KCNH7: variants seen among roughly 807,000 people sequenced by gnomAD.
KCNH7 encodes voltage-gated inwardly rectifying potassium channel KCNH7.
In KCNH7, 49 loss-of-function variants were observed where a neutral mutation model predicts 120.8. The ratio of observed to expected loss-of-function variants is 0.41; its 90% CI spans 0.32 to 0.51. The LOEUF is 0.51. Among genes scored for constraint, KCNH7 ranks in the 20% least tolerant of loss-of-function variants. The pLI is 0.38. For missense variants in KCNH7, 1,097 were observed against 1,446.6 expected (o/e 0.76, Z 3.92); for synonymous variants, 547 against 516.1 (o/e 1.06, Z -0.81).
chr2:162,675,276 T>C (rs2105303432), intron 2 of KCNH7, among the ~76,000 whole-genome samples: 1 of 151,598 alleles, frequency 6.6e-6, no homozygotes, highest in East Asian at 1.9e-4. Flanking sequence ...GTGTTAGCAT[T>C]TTATATTCAT....
At chr2:162,682,417 CAGAGAGAGAG>C (rs35747306) in intron 2 of KCNH7, among the ~76,000 whole-genome samples, 4 of 147,252 alleles carry the variant, frequency 2.7e-5, no homozygotes, top group African/African-American at 9.8e-5. Context: ...GAGACAGAGA[CAGAGAGAGAG>C]AGAGAGAGAG....
At chr2:162,552,593 T>C (rs1692707743) in intron 2 of KCNH7, among the ~76,000 whole-genome samples, 1 of 152,158 alleles carries the variant, frequency 6.6e-6, no homozygotes, top group Non-Finnish European at 1.5e-5. Context: ...TATGGCTCAG[T>C]TTACTTTAAG....
chr2:162,602,728 T>A (rs142981045), intron 2 of KCNH7, among the ~76,000 whole-genome samples: 24 of 152,192 alleles, frequency 1.6e-4, no homozygotes, highest in Non-Finnish European at 2.1e-4. Flanking sequence ...GATCATTTCA[T>A]ATTATATTGA....
chr2:162,393,652 A>G (rs1686811456), intron 12 of KCNH7, among the ~76,000 whole-genome samples: 1 of 151,902 alleles, frequency 6.6e-6, no homozygotes, highest in African/African-American at 2.4e-5. Context: ...TAAGGTAAAG[A>G]CTAGAATGTT....
chr2:162,814,996 C>T (rs1684868081), intron 2 of KCNH7, among the ~76,000 whole-genome samples: 1 of 152,030 alleles, frequency 6.6e-6, no homozygotes, highest in African/African-American at 2.4e-5. Flanking sequence ...ATTTGAATTC[C>T]TCCTCCCCTT....
intron 2 of KCNH7, among the ~76,000 whole-genome samples, chr2:162,664,701 ATGTCCTT>A (rs906866357): frequency 1.1e-4 from 16 of 152,254 alleles, no homozygotes; most frequent in African/African-American, 3.1e-4. Flanking sequence ...GCAATATATG[ATGTCCTT>A]TTATATAGAA....
intron 3 of KCNH7, among the ~76,000 whole-genome samples, chr2:162,527,475 A>T (rs1425906698): frequency 6.6e-6 from 1 of 151,988 alleles, no homozygotes; most frequent in Non-Finnish European, 1.5e-5. Flanking sequence ...TTTGTTCCTT[A>T]GCTTGAGGTC....
intron 2 of KCNH7, among the ~76,000 whole-genome samples, chr2:162,776,468 A>G (rs1332662047): frequency 6.6e-6 from 1 of 152,190 alleles, no homozygotes; most frequent in African/African-American, 2.4e-5. Flanking sequence ...AAGTCAAAAA[A>G]TAGTGGTAGA....
chr2:162,540,343 T>G (rs532620126), intron 2 of KCNH7, among the ~76,000 whole-genome samples: 1 of 151,792 alleles, frequency 6.6e-6, no homozygotes, highest in African/African-American at 2.4e-5. Flanking sequence ...AAAGACTGTT[T>G]AGGAGGAACA....
At chr2:162,700,914 G>A (rs1686471806) in intron 2 of KCNH7, among the ~76,000 whole-genome samples, 1 of 152,116 alleles carries the variant, frequency 6.6e-6, no homozygotes, top group Admixed American at 6.6e-5. Flanking sequence ...GTTAAATATT[G>A]GTTGCTCTCT....
intron 6 of KCNH7, among the ~76,000 whole-genome samples, chr2:162,458,078 G>A (rs2105594679): frequency 6.6e-6 from 1 of 150,972 alleles, no homozygotes; most frequent in African/African-American, 2.5e-5. Flanking sequence ...GCAAGGCTTA[G>A]ATTAAAATAG....
At chr2:162,691,247 T>G (rs1686091681) in intron 2 of KCNH7, among the ~76,000 whole-genome samples, 1 of 152,202 alleles carries the variant, frequency 6.6e-6, no homozygotes, top group Admixed American at 6.5e-5. Context: ...TGAATTGTTC[T>G]GAATATATTT....
chr2:162,432,734 C>T (rs1331836356), intron 8 of KCNH7, among the ~76,000 whole-genome samples: 1 of 151,962 alleles, frequency 6.6e-6, no homozygotes, highest in Admixed American at 6.6e-5. Flanking sequence ...TGGAAGCATT[C>T]CCATTAAGCA....
intron 3 of KCNH7, among the ~76,000 whole-genome samples, chr2:162,533,054 T>C (rs1238667971): frequency 6.6e-6 from 1 of 151,940 alleles, no homozygotes; most frequent in East Asian, 1.9e-4. Flanking sequence ...GTAATAATTT[T>C]ATTTTTGCTC....
chr2:162,673,349 A>G (rs190530093), intron 2 of KCNH7, among the ~76,000 whole-genome samples: 8 of 152,212 alleles, frequency 5.3e-5, no homozygotes, highest in Non-Finnish European at 1.0e-4. Flanking sequence ...ACGAAACAAC[A>G]TTATCAGTCA....
At position 162,403,350 on chromosome 2, in the gene KCNH7, G is replaced by A. The variant is rs148982469; in HGVS notation, c.2155-2909C>T. ...TAAGAATTCTTTTTCCTTGCATCTCGCTATAATTCTTGTTTCCTGTTTCTG... is the reference window on the plus strand; with the variant it reads ...TAAGAATTCTTTTTCCTTGCATCTCACTATAATTCTTGTTTCCTGTTTCTG... On this transcript the variant is annotated intron_variant, in intron 9 of 15. Coordinates refer to ENST00000332142, the MANE Select transcript of KCNH7 (RefSeq NM_033272.4). Among the ~76,000 whole-genome samples, 11 of 151,896 alleles carry A rather than the reference G, an allele frequency of 7.2e-5. No homozygotes were observed. In the East Asian group the frequency reaches 1.6e-3, roughly 22 times the overall value.
intron 2 of KCNH7, among the ~76,000 whole-genome samples, chr2:162,633,523 T>C (rs149132894): frequency 6.6e-6 from 1 of 151,678 alleles, no homozygotes; most frequent in Admixed American, 6.6e-5. Flanking sequence ...TCTTTAAAGT[T>C]TAGTATGCTT....
At chr2:162,592,328 GAGGCCA>G (rs1198494977) in intron 2 of KCNH7, among the ~76,000 whole-genome samples, 1 of 152,050 alleles carries the variant, frequency 6.6e-6, no homozygotes, top group East Asian at 1.9e-4. Context: ...GAAAGGGGTG[GAGGCCA>G]CCAGAGTCAG....
At chr2:162,759,569 C>A (rs1433409978) in intron 2 of KCNH7, among the ~76,000 whole-genome samples, 1 of 151,910 alleles carries the variant, frequency 6.6e-6, no homozygotes, top group Non-Finnish European at 1.5e-5. Context: ...ACAATAATTG[C>A]TCTTAGATCT....
Sources: allele counts gnomAD v4.1 joint callset (sites outside exome capture counted in the v4.1 genomes callset), GRCh38; gene constraint gnomAD v4.1.1; transcripts MANE v1.5; gene names NCBI Gene and HGNC (gene_info 2026-07-23, HGNC 2026-07-21).